The following CSGALNACT1 variants were observed in gnomAD, a reference collection of about 807,000 sequenced individuals.
CSGALNACT1 encodes beta4GalNAcT-1.
CSGALNACT1 carries 52 observed loss-of-function variants against 51.0 expected under a neutral mutation model. That is an observed-to-expected ratio of 1.02 (90% confidence interval 0.82 to 1.29). The LOEUF is 1.29. CSGALNACT1 is among the 50% of genes most tolerant of loss of function. CSGALNACT1 has a pLI of 0.00. For missense variants in CSGALNACT1, 935 were observed against 679.2 expected (o/e 1.38, Z -4.19); for synonymous variants, 341 against 254.4 (o/e 1.34, Z -3.24).
chr8:19,637,461 G>C (rs2056225959), intron 1 of CSGALNACT1, among the ~76,000 whole-genome samples: 1 of 152,168 alleles, frequency 6.6e-6, no homozygotes. Flanking sequence ...AATGTCATAA[G>C]CCTAATTTTC....
chr8:19,587,643 T>C (rs1564162180), intron 3 of CSGALNACT1, among the ~76,000 whole-genome samples: 1 of 152,206 alleles, frequency 6.6e-6, no homozygotes, highest in Admixed American at 6.5e-5. Context: ...AGTACCTTAT[T>C]ACATACAGAT....
intron 1 of CSGALNACT1, among the ~76,000 whole-genome samples, chr8:19,631,492 T>C (rs2055249579): frequency 6.6e-6 from 1 of 152,200 alleles, no homozygotes; most frequent in Non-Finnish European, 1.5e-5. Context: ...ACCTCCAGAA[T>C]TCAGCCTGCA....
intron 3 of CSGALNACT1, among the ~76,000 whole-genome samples, chr8:19,516,238 C>A (rs11778525): frequency 0.16 from 23,613 of 152,048 alleles, 2,200 homozygotes; most frequent in Non-Finnish European, 0.21. Flanking sequence ...ATCTTATTAA[C>A]CCCATTAAAG....
intron 2 of CSGALNACT1, among the ~76,000 whole-genome samples, chr8:19,601,147 C>T (rs1352467854): frequency 1.3e-5 from 2 of 152,112 alleles, no homozygotes; most frequent in East Asian, 1.9e-4. Flanking sequence ...CTCAAAATTA[C>T]TGGTTACAAG....
chr8:19,476,828 C>A (rs927405615), intron 4 of CSGALNACT1, among the ~76,000 whole-genome samples: 1 of 152,150 alleles, frequency 6.6e-6, no homozygotes, highest in African/African-American at 2.4e-5. Flanking sequence ...AGTCCAGATG[C>A]CGGACATGTG....
chr8:19,660,458 TA>T (rs1433075227), intron 1 of CSGALNACT1, among the ~76,000 whole-genome samples: 1 of 152,198 alleles, frequency 6.6e-6, no homozygotes, highest in Admixed American at 6.5e-5. Context: ...AACCTCTCTG[TA>T]ACACTATGGT....
chr8:19,640,085 T>C (rs368327114), intron 1 of CSGALNACT1, among the ~76,000 whole-genome samples: 6 of 151,936 alleles, frequency 3.9e-5, no homozygotes, highest in South Asian at 2.1e-4. Context: ...TGATGAGACC[T>C]TTCAATGTTC....
chr8:19,486,739 T>C (rs997227023), intron 4 of CSGALNACT1, among the ~76,000 whole-genome samples: 10 of 152,286 alleles, frequency 6.6e-5, no homozygotes, highest in Admixed American at 2.0e-4. Context: ...ACGCATTGAT[T>C]GTTCCTCTAA....
At chr8:19,714,201 G>C (rs956430695) in intron 1 of CSGALNACT1, among the ~76,000 whole-genome samples, 3 of 152,156 alleles carry the variant, frequency 2.0e-5, no homozygotes, top group Non-Finnish European at 2.9e-5. Flanking sequence ...GTTGTCTGCT[G>C]TGTAACCTAA....
chr8:19,429,874 T>G (rs752164390), intron 6 of CSGALNACT1, among the ~76,000 whole-genome samples: 1 of 152,232 alleles, frequency 6.6e-6, no homozygotes, highest in Admixed American at 6.5e-5. Context: ...TTTCTCTGCC[T>G]CCTCAGAGAC....
intron 5 of CSGALNACT1, among the ~76,000 whole-genome samples, chr8:19,456,170 G>A (rs2064046474): frequency 6.6e-6 from 1 of 152,056 alleles, no homozygotes; most frequent in Non-Finnish European, 1.5e-5. Flanking sequence ...CTGTTTTATT[G>A]CTATTGTTAA....
chr8:19,756,699 G>A (rs984707833), intron 1 of CSGALNACT1, among the ~76,000 whole-genome samples: 1 of 151,952 alleles, frequency 6.6e-6, no homozygotes, highest in African/African-American at 2.4e-5. Flanking sequence ...CCGGGCAGGC[G>A]AGCGCGCTGC....
intron 4 of CSGALNACT1, among the ~76,000 whole-genome samples, chr8:19,462,148 C>T (rs1232304018): frequency 6.6e-6 from 1 of 152,198 alleles, no homozygotes; most frequent in African/African-American, 2.4e-5. Flanking sequence ...CCAGAGAGGG[C>T]CTAACTGCAG....
At chr8:19,622,524 C>T (rs967112387) in intron 1 of CSGALNACT1, among the ~76,000 whole-genome samples, 1 of 152,160 alleles carries the variant, frequency 6.6e-6, no homozygotes. Context: ...CATCACTTCC[C>T]ATTCCTATTA....
At chr8:19,650,873 AG>A (rs1343916501) in intron 1 of CSGALNACT1, among the ~76,000 whole-genome samples, 1 of 152,224 alleles carries the variant, frequency 6.6e-6, no homozygotes. Flanking sequence ...TCCAGGACTC[AG>A]GTGAAGAGTC....
intron 1 of CSGALNACT1, among the ~76,000 whole-genome samples, chr8:19,712,890 T>C (rs1287251022): frequency 6.6e-6 from 1 of 152,152 alleles, no homozygotes; most frequent in African/African-American, 2.4e-5. Flanking sequence ...ATGAACCCAA[T>C]CCTGACTGAT....
At chr8:19,410,863 T>A (rs1333429797) in intron 8 of CSGALNACT1, among the ~76,000 whole-genome samples, 1 of 152,192 alleles carries the variant, frequency 6.6e-6, no homozygotes, top group African/African-American at 2.4e-5. Context: ...CAAGACGGAG[T>A]TCCCTCAGTC....
intron 6 of CSGALNACT1, among the ~76,000 whole-genome samples, chr8:19,435,244 C>G (rs2060203251): frequency 6.6e-6 from 1 of 152,132 alleles, no homozygotes; most frequent in Admixed American, 6.5e-5. Flanking sequence ...CCTGTAATCC[C>G]AGGACTTTGG....
intron 3 of CSGALNACT1, among the ~76,000 whole-genome samples, chr8:19,549,790 T>A (rs1403283310): frequency 6.6e-6 from 1 of 151,750 alleles, no homozygotes; most frequent in Non-Finnish European, 1.5e-5. Context: ...ACCGTTGCAT[T>A]TGGCTGACAG....
Sources: allele counts gnomAD v4.1 joint callset (sites outside exome capture counted in the v4.1 genomes callset), GRCh38; gene constraint gnomAD v4.1.1; transcripts MANE v1.5; gene names NCBI Gene and HGNC (gene_info 2026-07-23, HGNC 2026-07-21).